Variants in ZMYM2 observed in about 807,000 individuals in gnomAD.
ZMYM2 encodes the protein zinc finger MYM-type containing 2.
In ZMYM2, 56 loss-of-function variants were observed where a neutral mutation model predicts 162.8. That is an observed-to-expected ratio of 0.34 (90% CI 0.28 to 0.43). ZMYM2 has a LOEUF of 0.43. Ranked by LOEUF, ZMYM2 falls within the 20% of genes least tolerant of loss-of-function variation. The pLI, the probability that ZMYM2 is intolerant of heterozygous loss-of-function variation, is 1.00. For synonymous variants in ZMYM2, 510 were observed against 541.6 expected, an observed-to-expected ratio of 0.94 and a Z score of 0.81; for missense variants, 1,275 against 1,621.8, an observed-to-expected ratio of 0.79 and a Z score of 3.67.
intron 21 of ZMYM2, chr13:20,068,452 A>G (rs1956840064): frequency 6.3e-6 from 1 of 159,162 alleles, no homozygotes; most frequent in Non-Finnish European, 1.4e-5. Context: ...ATGTTTCTAA[A>G]CAAGTACAGA....
chr13:19,938,731 T>G, the ZMYM2 span, among the ~76,000 whole-genome samples: 1 of 151,976 alleles, frequency 6.6e-6, no homozygotes, highest in Non-Finnish European at 1.5e-5. Context: ...ACCTTTTTTT[T>G]TTTTTCTGAA....
chr13:19,883,236 G>T, the ZMYM2 span, among the ~76,000 whole-genome samples: 2 of 152,098 alleles, frequency 1.3e-5, no homozygotes, highest in African/African-American at 4.8e-5. Context: ...GTTTCCAGGG[G>T]GTGGAAAAGT....
At chr13:19,985,880 A>T (rs568007604) in intron 2 of ZMYM2, among the ~76,000 whole-genome samples, 13 of 150,920 alleles carry the variant, frequency 8.6e-5, no homozygotes, top group African/African-American at 3.0e-4. Context: ...TGTCTCAAAA[A>T]TAAATAAATA....
chr13:19,987,620 C>CGTGTGTGTGTGTGT lies in ZMYM2; in HGVS notation c.-10-5418_-10-5405dup, dbSNP rs756005409. Among the ~76,000 whole-genome samples, 110 of 121,358 alleles carry CGTGTGTGTGTGTGT rather than the reference C, an allele frequency of 9.1e-4. 1 individual carries two copies. The highest frequency in any genetic ancestry group is 1.5e-3 in the African/African-American group (46 of 30,184). 79.6% of individuals were successfully genotyped at this position (121,358 alleles called of 152,430 possible). ...GTGTATAGGAAAGATGGGGTTTTGT[C>CGTGTGTGTGTGTGT]GTGTGTGTGTGTGTGTGTGTGTGTG... On this transcript the variant is annotated intron_variant, in intron 2 of 24. Coordinates refer to ENST00000610343, the MANE Select transcript of ZMYM2 (RefSeq NM_197968.4).
At chr13:19,899,816 C>CAAAAAAAAAAAAAAAAAAA in the ZMYM2 span, among the ~76,000 whole-genome samples, 16 of 64,990 alleles carry the variant, frequency 2.5e-4, no homozygotes, top group Admixed American at 4.2e-4. Context: ...GACTCTGACT[C>CAAAAAAAAAAAAAAAAAAA]AAAAAAAAAA....
At chr13:19,898,476 A>G in the ZMYM2 span, among the ~76,000 whole-genome samples, 16 of 151,942 alleles carry the variant, frequency 1.1e-4, no homozygotes, top group African/African-American at 3.4e-4. Context: ...CTCGTGATCC[A>G]CCCACCTCAG....
chr13:19,958,156 G>A (rs949460576), upstream of ZMYM2, among the ~76,000 whole-genome samples: 8 of 152,224 alleles, frequency 5.3e-5, no homozygotes, highest in African/African-American at 1.9e-4. Context: ...CGGGATTCCA[G>A]TTCACCCGCG....
At chr13:20,029,866 C>T (rs1442663591) in intron 9 of ZMYM2, among the ~76,000 whole-genome samples, 9 of 151,740 alleles carry the variant, frequency 5.9e-5, no homozygotes, top group South Asian at 4.2e-4. Context: ...GGCATGATCT[C>T]GGCTCGCTGC....
the ZMYM2 span, among the ~76,000 whole-genome samples, chr13:19,943,487 T>G: frequency 2.6e-5 from 4 of 152,290 alleles, no homozygotes; most frequent in Non-Finnish European, 4.4e-5. Context: ...AAATAAAGAA[T>G]TGAAAACCAC....
chr13:19,949,241 C>T, the ZMYM2 span, among the ~76,000 whole-genome samples: 1 of 152,082 alleles, frequency 6.6e-6, no homozygotes, highest in East Asian at 1.9e-4. Context: ...GAAACCCCAT[C>T]TCTGCTACAT....
chr13:20,007,392 C>T (rs377129996), intron 6 of ZMYM2, among the ~76,000 whole-genome samples: 1 of 152,136 alleles, frequency 6.6e-6, no homozygotes, highest in African/African-American at 2.4e-5. Flanking sequence ...CTGCCTCAGC[C>T]TCCCAAAGTG....
chr13:19,898,549 C>T, the ZMYM2 span, among the ~76,000 whole-genome samples: 1 of 152,022 alleles, frequency 6.6e-6, no homozygotes, highest in East Asian at 1.9e-4. Flanking sequence ...ACACCTTAAA[C>T]AATCTGTGGG....
At chr13:20,006,267 CCAAA>C in intron 5 of ZMYM2, 103 bp from the exon 6 acceptor site, 8 of 1,172,656 alleles carry the variant, frequency 6.8e-6, no homozygotes, top group Non-Finnish European at 8.0e-6. Flanking sequence ...TTCCTTTTCT[CCAAA>C]CAAGCCTTAT....
At chr13:19,899,288 GATAA>G in the ZMYM2 span, among the ~76,000 whole-genome samples, 2 of 151,822 alleles carry the variant, frequency 1.3e-5, no homozygotes, top group African/African-American at 4.8e-5. Flanking sequence ...TAAATAAATA[GATAA>G]ATAGATAAAC....
intron 6 of ZMYM2, among the ~76,000 whole-genome samples, chr13:20,007,190 C>T (rs1025960308): frequency 2.0e-5 from 3 of 152,002 alleles, no homozygotes; most frequent in South Asian, 2.1e-4. Flanking sequence ...AGCTGGAGTG[C>T]GTTGGCGTGA....
At chr13:19,898,810 C>T in the ZMYM2 span, among the ~76,000 whole-genome samples, 1 of 152,004 alleles carries the variant, frequency 6.6e-6, no homozygotes, top group Non-Finnish European at 1.5e-5. Context: ...AACTGTAGTC[C>T]CAGCTATTCA....
intron 12 of ZMYM2, among the ~76,000 whole-genome samples, chr13:20,048,297 A>AG (rs1955003724): frequency 6.6e-6 from 1 of 151,464 alleles, no homozygotes; most frequent in African/African-American, 2.4e-5. Context: ...CATTTTTTTT[A>AG]AAATTTTTTT....
At chr13:20,076,345 T>G (rs1352040321) in intron 21 of ZMYM2, among the ~76,000 whole-genome samples, 2 of 150,668 alleles carry the variant, frequency 1.3e-5, no homozygotes, top group East Asian at 3.8e-4. Context: ...ACAAATCTTC[T>G]ATAATTATCC....
chr13:20,022,178 T>A (rs1021489102), intron 7 of ZMYM2, among the ~76,000 whole-genome samples: 8 of 152,244 alleles, frequency 5.3e-5, no homozygotes, highest in African/African-American at 1.4e-4. Flanking sequence ...GAGGTTTAAA[T>A]CTAATTTCTG....
Sources: gnomAD v4.1 joint callset for allele counts (sites outside exome capture counted in the v4.1 genomes callset) on GRCh38, gnomAD v4.1.1 for gene constraint, MANE v1.5 for transcripts, NCBI Gene and HGNC (gene_info 2026-07-23, HGNC 2026-07-21) for gene names.